Variants in DNMT3B observed in about 807,000 individuals in gnomAD.
DNMT3B encodes the protein DNA methyltransferase 3 beta.
In DNMT3B, 37 loss-of-function variants were observed where a neutral mutation model predicts 120.2. That is an observed-to-expected ratio of 0.31 (90% CI 0.24 to 0.40). DNMT3B has a LOEUF of 0.40. DNMT3B is among the 10% of genes least tolerant of loss of function. The pLI is 1.00. For synonymous variants in DNMT3B, 412 were observed against 442.8 expected, an observed-to-expected ratio of 0.93 and a Z score of 0.87; for missense variants, 878 against 1,137.3, an observed-to-expected ratio of 0.77 and a Z score of 3.28.
In DNMT3B at chr20:32,808,051, A is replaced by G. The variant is rs922450886; in HGVS notation, c.*148A>G. The G allele has an allele frequency of 1.4e-6, 2 of 1,379,940 alleles. No homozygotes were observed. Among genetic ancestry groups the G allele is most frequent in the Non-Finnish European group, 2.0e-6 (2 of 1,004,496 alleles). 85.5% of individuals were successfully genotyped at this position (1,379,940 alleles called of 1,614,324 possible). A position where few individuals can be genotyped will look rare whatever the true frequency, so the allele number is the denominator to read the frequency against. On this transcript the variant is annotated 3_prime_UTR_variant, in exon 23 of 23. Transcript: ENST00000328111. ...GTTCCCTCTTGCTCAGTGGGGGCAG[A>G]GCCACCTGACTCTTGCAGGGGTAGC...
intron 19 of DNMT3B, 52 bp downstream of exon 19, chr20:32,801,478 G>A (rs747272079): frequency 1.2e-5 from 19 of 1,610,258 alleles, no homozygotes; most frequent in South Asian, 4.4e-5. Flanking sequence ...CAGGGAAAGC[G>A]CTGCTGGCAG....
intron 1 of DNMT3B, among the ~76,000 whole-genome samples, chr20:32,763,626 G>A (rs189514021): frequency 6.6e-6 from 1 of 152,198 alleles, no homozygotes; most frequent in Non-Finnish European, 1.5e-5. Context: ...CACTTTATCG[G>A]GGAGAAAGTG....
Position 32,808,289 on chromosome 20 carries a change from T to C in DNMT3B, c.*386T>C. 1 of 342,322 alleles carries C rather than the reference T, an allele frequency of 2.9e-6. No individual in the cohort carries two copies. Among genetic ancestry groups the C allele is most frequent in the Non-Finnish European group, 5.5e-6 (1 of 182,942 alleles). 21.2% of individuals were successfully genotyped at this position (342,322 alleles called of 1,614,324 possible). The stretch of plus-strand genomic sequence containing the variant: ...AGCTCTCCAATACTCAGGTTAATGC[T>C]GAAAAATCATCCAAGACAGTTATTG... On this transcript the variant is annotated 3_prime_UTR_variant, in exon 23 of 23. Transcript: ENST00000328111.
At chr20:32,776,555 G>A (rs1174513636) in intron 1 of DNMT3B, among the ~76,000 whole-genome samples, 2 of 152,130 alleles carry the variant, frequency 1.3e-5, no homozygotes, top group Non-Finnish European at 2.9e-5. Context: ...AGTTAAATTT[G>A]TATGTTATTT....
At chr20:32,785,660 C>T (rs1224369392) in intron 4 of DNMT3B, among the ~76,000 whole-genome samples, 2 of 152,132 alleles carry the variant, frequency 1.3e-5, no homozygotes, top group African/African-American at 4.8e-5. Flanking sequence ...AAGATTCCAG[C>T]AACTTAACTG....
intron 1 of DNMT3B, among the ~76,000 whole-genome samples, chr20:32,769,373 C>T (rs1987582876): frequency 6.6e-6 from 1 of 152,210 alleles, no homozygotes; most frequent in African/African-American, 2.4e-5. Context: ...AGGCGTGAGC[C>T]ACCATGCCGG....
intron 9 of DNMT3B, among the ~76,000 whole-genome samples, chr20:32,793,125 A>AT (rs5841117): frequency 0.51 from 77,219 of 152,026 alleles, 20,689 homozygotes; most frequent in East Asian, 0.99. Flanking sequence ...ACCTGCTAAC[A>AT]TTTTGACCAG....
At chr20:32,798,971 A>G (rs1980992175) in intron 15 of DNMT3B, among the ~76,000 whole-genome samples, 1 of 152,226 alleles carries the variant, frequency 6.6e-6, no homozygotes, top group South Asian at 2.1e-4. Flanking sequence ...GGGAAGCCCT[A>G]GGTCATTCCT....
At chr20:32,775,855 C>G (rs144034013) in intron 1 of DNMT3B, among the ~76,000 whole-genome samples, 8 of 152,272 alleles carry the variant, frequency 5.3e-5, no homozygotes, top group Admixed American at 4.6e-4. Flanking sequence ...AGATTTGGCA[C>G]TGCCACTTCT....
At position 32,808,743 on chromosome 20, in the gene DNMT3B, C is replaced by T. The variant is rs2146102907; in HGVS notation, c.*840C>T. 4.4e-6 allele frequency: 1 copy of T among 229,232 alleles called. No homozygotes were observed. The highest frequency in any genetic ancestry group is 6.2e-5 in the East Asian group (1 of 16,066). The allele number at this position is 229,232 out of a possible 1,614,324, so 14.2% of individuals were successfully genotyped here. A position where few individuals can be genotyped will look rare whatever the true frequency, so the allele number is the denominator to read the frequency against. ...TATGGCTCCTCCATATCTCCCTCTT[C>T]CCTAGGAGAGGAGTGTGAAGCAAGG... On this transcript the variant is annotated 3_prime_UTR_variant, in exon 23 of 23. Coordinates refer to ENST00000328111, the MANE Select transcript of DNMT3B (RefSeq NM_006892.4).
intron 1 of DNMT3B, among the ~76,000 whole-genome samples, chr20:32,763,728 A>C (rs1462330872): frequency 6.6e-6 from 1 of 152,200 alleles, no homozygotes; most frequent in East Asian, 1.9e-4. Flanking sequence ...TGGAGTTCCG[A>C]GCCCAGGTCT....
At chr20:32,806,004 C>T (rs558927193) in intron 21 of DNMT3B, among the ~76,000 whole-genome samples, 1 of 152,252 alleles carries the variant, frequency 6.6e-6, no homozygotes, top group East Asian at 1.9e-4. Context: ...GTCTCTCCAA[C>T]TCTGCTTTTC....
chr20:32,793,894 T>A (rs1015318207), intron 10 of DNMT3B, among the ~76,000 whole-genome samples: 6 of 152,200 alleles, frequency 3.9e-5, no homozygotes, highest in Non-Finnish European at 8.8e-5. Context: ...AGATTTTTAA[T>A]GGCTGTACAA....
At chr20:32,795,795 C>T (rs1414837546) in intron 12 of DNMT3B, 101 bp downstream of exon 12, 21 of 1,498,114 alleles carry the variant, frequency 1.4e-5, no homozygotes, top group Non-Finnish European at 1.9e-5. Context: ...TAACCCAGAG[C>T]TCTGTTCCTT....
At position 32,771,635 on chromosome 20, in the gene DNMT3B, CA is replaced by C. The variant is rs10625883; in HGVS notation, c.-6-8665del. Among the ~76,000 whole-genome samples the C allele has an allele frequency of 9.4e-3, 823 of 87,910 alleles. 1 individual carries two copies. Among genetic ancestry groups the C allele is most frequent in the Middle Eastern group, 0.028 (4 of 144 alleles). The allele number at this position is 87,910 out of a possible 152,430, so 57.7% of individuals were successfully genotyped here. A position where few individuals can be genotyped will look rare whatever the true frequency, so the allele number is the denominator to read the frequency against. On this transcript the variant is annotated intron_variant, in intron 1 of 22. Coordinates refer to ENST00000328111, the MANE Select transcript of DNMT3B (RefSeq NM_006892.4). Reference sequence around the variant, plus strand: ...TGGGCAACAGAGCAAGACCGCATCTCAAAAAAAAAAAAAAAAAAGGAGTGGT... The same window carrying C: ...TGGGCAACAGAGCAAGACCGCATCTCAAAAAAAAAAAAAAAAAGGAGTGGT...
intron 7 of DNMT3B, among the ~76,000 whole-genome samples, chr20:32,790,592 C>T (rs576524998): frequency 2.0e-5 from 3 of 152,318 alleles, no homozygotes; most frequent in Admixed American, 2.0e-4. Flanking sequence ...TATAGGAAAT[C>T]AGGCATTCCG....
chr20:32,798,450 C>T lies in DNMT3B; in HGVS notation c.1491-10C>T. ...ACAAAGGCATCCCTTCTCCCTGCCACTGGGTCCAGGTGTTTCTGTGTGGAG... is the reference window on the plus strand; with the variant it reads ...ACAAAGGCATCCCTTCTCCCTGCCATTGGGTCCAGGTGTTTCTGTGTGGAG... On this transcript the variant is annotated splice_polypyrimidine_tract_variant and intron_variant, in intron 14 of 22. Transcript: ENST00000328111. 1 of 1,614,184 alleles carries T rather than the reference C, an allele frequency of 6.2e-7. No homozygotes were observed. Among genetic ancestry groups the T allele is most frequent in the Non-Finnish European group, 8.5e-7 (1 of 1,180,030 alleles).
At chr20:32,780,103 A>G (rs1362598443) in intron 1 of DNMT3B, 5 of 1,613,196 alleles carry the variant, frequency 3.1e-6, no homozygotes, top group Non-Finnish European at 4.2e-6. Flanking sequence ...AGCCTTCGGG[A>G]CAGCCTGTCC....
At chr20:32,765,750 C>CTTTTTTTTTTTTTTT (rs1208508674) in intron 1 of DNMT3B, among the ~76,000 whole-genome samples, 5 of 108,438 alleles carry the variant, frequency 4.6e-5, no homozygotes, top group East Asian at 3.2e-4. Context: ...TTTATTTTTT[C>CTTTTTTTTTTTTTTT]TTTTTTTCTT....
Sources: allele counts gnomAD v4.1 joint callset (sites outside exome capture counted in the v4.1 genomes callset), GRCh38; gene constraint gnomAD v4.1.1; transcripts MANE v1.5; gene names NCBI Gene and HGNC (gene_info 2026-07-23, HGNC 2026-07-21).